Variants in RHOQ observed in about 807,000 individuals in gnomAD.
RHOQ encodes the protein rho-related GTP-binding protein RhoQ.
A neutral mutation model predicts 25.8 loss-of-function variants in RHOQ; 7 were observed. The observed-to-expected ratio is 0.27, with a 90% CI of 0.15 to 0.51. RHOQ has a LOEUF of 0.51. Among genes scored for constraint, RHOQ ranks in the 20% least tolerant of loss-of-function variants. RHOQ has a pLI of 0.97. For missense variants in RHOQ, 165 were observed against 260.6 expected (o/e 0.63, Z 2.53); for synonymous variants, 97 against 98.6 (o/e 0.98, Z 0.10).
At chr2:46,567,531 C>G (rs967185694) in intron 2 of RHOQ, among the ~76,000 whole-genome samples, 1 of 151,890 alleles carries the variant, frequency 6.6e-6, no homozygotes, top group African/African-American at 2.4e-5. Context: ...GTAGCTGGGA[C>G]TATAGGCACA....
rs767599247 is a variant in RHOQ at position 46,576,689 on chromosome 2, T to C, written c.462+33T>C. ...AACACTCACAGAATTTAAGCATGAA[T>C]GTAAAAGATGCTAAGATAACAATAG... On this transcript the variant is annotated intron_variant, in intron 4 of 4. Coordinates refer to ENST00000238738, the MANE Select transcript of RHOQ (RefSeq NM_012249.4). The surrounding 1 kb of genome is among the most constrained non-coding windows in gnomAD (Gnocchi z 5.1). 1.7e-5 allele frequency: 23 copies of C among 1,374,212 alleles called. 1 individual carries two copies. The African/African-American group carries it at 2.0e-4, about 12-fold the overall frequency. 85.1% of individuals were successfully genotyped at this position (1,374,212 alleles called of 1,614,324 possible). A position where few individuals can be genotyped will look rare whatever the true frequency, so the allele number is the denominator to read the frequency against.
chr2:46,580,787 T>C, intron 4 of RHOQ, 141 bp from the exon 5 acceptor site: 1 of 574,404 alleles, frequency 1.7e-6, no homozygotes, highest in Non-Finnish European at 2.9e-6. Flanking sequence ...TAAAATCCCC[T>C]CTGGGGTTAT....
chr2:46,558,060 T>A (rs1668459679), intron 2 of RHOQ, among the ~76,000 whole-genome samples: 2 of 152,244 alleles, frequency 1.3e-5, no homozygotes, highest in African/African-American at 2.4e-5. Flanking sequence ...TCACTGTATG[T>A]CTCAGCTATT....
chr2:46,571,152 G>T (rs1321545821), intron 2 of RHOQ, among the ~76,000 whole-genome samples: 2 of 152,168 alleles, frequency 1.3e-5, no homozygotes, highest in Non-Finnish European at 2.9e-5. Flanking sequence ...TTTTCTTAGT[G>T]TCCCCTCATT....
intron 2 of RHOQ, among the ~76,000 whole-genome samples, chr2:46,567,424 C>T (rs1451211105): frequency 9.4e-5 from 14 of 149,040 alleles, no homozygotes; most frequent in South Asian, 2.1e-4. Flanking sequence ...GACAGGGTGT[C>T]GTTCTGTCAC....
intron 2 of RHOQ, among the ~76,000 whole-genome samples, chr2:46,561,789 G>A (rs1558687121): frequency 6.6e-6 from 1 of 152,104 alleles, no homozygotes; most frequent in Non-Finnish European, 1.5e-5. Context: ...TAAGAGGTAG[G>A]TCATACTGTC....
At chr2:46,543,921 C>T (rs1667947149) in intron 2 of RHOQ, 109 bp downstream of exon 2, 7 of 847,968 alleles carry the variant, frequency 8.3e-6, no homozygotes, top group Middle Eastern at 2.2e-4. Flanking sequence ...GTGTCTGCGA[C>T]GGGCTTCCCC....
intron 2 of RHOQ, among the ~76,000 whole-genome samples, chr2:46,565,350 G>T (rs909263587): frequency 6.6e-6 from 1 of 152,202 alleles, no homozygotes; most frequent in Non-Finnish European, 1.5e-5. Context: ...GGAGAAGAAT[G>T]CTGGATAGAC....
intron 2 of RHOQ, among the ~76,000 whole-genome samples, chr2:46,546,513 TATATAC>T (rs1558680650): frequency 9.2e-5 from 2 of 21,846 alleles, no homozygotes; most frequent in Non-Finnish European, 8.4e-5. Flanking sequence ...TATATATATG[TATATAC>T]ATATATATAT....
chr2:46,555,218 T>TA lies in RHOQ; in HGVS notation c.201+11407dup, dbSNP rs1668377671. Among the ~76,000 whole-genome samples the TA allele has an allele frequency of 6.6e-6, 1 of 152,244 alleles. No individual in the cohort carries two copies. Among genetic ancestry groups the TA allele is most frequent in the Admixed American group, 6.5e-5 (1 of 15,286 alleles). ...CTCCTCACCTCTGACTCCGGCCCTC[T>TA]AGTGGTCGAGTCCCTCCTTAGAATT... On this transcript the variant is annotated intron_variant, in intron 2 of 4. Coordinates refer to ENST00000238738, the MANE Select transcript of RHOQ (RefSeq NM_012249.4). This position sits in a 1 kb window ranked among gnomAD's most constrained non-coding sequence, Gnocchi z 4.3.
At chr2:46,560,063 C>T (rs1181825061) in intron 2 of RHOQ, among the ~76,000 whole-genome samples, 2 of 152,166 alleles carry the variant, frequency 1.3e-5, no homozygotes, top group Non-Finnish European at 2.9e-5. Context: ...TATTAAAAAG[C>T]AAACTCGTTC....
intron 2 of RHOQ, among the ~76,000 whole-genome samples, chr2:46,561,100 GTA>G (rs1443186906): frequency 2.0e-5 from 3 of 147,910 alleles, no homozygotes; most frequent in African/African-American, 5.0e-5. Context: ...GTATATACAG[GTA>G]TGTGTGTGTG....
intron 2 of RHOQ, chr2:46,572,815 C>G (rs1213545551): frequency 4.6e-6 from 2 of 434,098 alleles, no homozygotes; most frequent in Admixed American, 2.7e-5. Context: ...CATTTGACTT[C>G]TTTGTGTTCT....
chr2:46,542,540 TGCGCCGGCAGGGCCGC>T lies in RHOQ; in HGVS notation c.-503_-488del, dbSNP rs1470126645. ...GCCCTCGCAGGGAGTGGGGCTCGGG[TGCGCCGGCAGGGCCGC>T]GCGGCGGCAGCAGGCGGGGGCGCGT... On this transcript the variant is annotated 5_prime_UTR_variant, in exon 1 of 5. Coordinates refer to ENST00000238738, the MANE Select transcript of RHOQ (RefSeq NM_012249.4). 6.7e-6 allele frequency: 1 copy of T among 148,492 alleles called. No homozygotes were observed. The highest frequency in any genetic ancestry group is 2.4e-5 in the African/African-American group (1 of 40,912). The allele number at this position is 148,492 out of a possible 1,614,324, so 9.2% of individuals were successfully genotyped here. A position where few individuals can be genotyped will look rare whatever the true frequency, so the allele number is the denominator to read the frequency against.
intron 4 of RHOQ, among the ~76,000 whole-genome samples, chr2:46,577,754 G>C (rs1304364641): frequency 5.3e-5 from 8 of 151,682 alleles, no homozygotes; most frequent in Non-Finnish European, 7.4e-5. Flanking sequence ...GGAGGCAAAA[G>C]AAAGCAAGAA....
intron 2 of RHOQ, among the ~76,000 whole-genome samples, chr2:46,549,854 C>T (rs1668186557): frequency 6.6e-6 from 1 of 152,130 alleles, no homozygotes. Context: ...TCTTCAAGAA[C>T]AGTGTCTTTC....
rs1286209479 is a variant in RHOQ, at chr2:46,546,463, T to C, written c.201+2651T>C. On this transcript the variant is annotated intron_variant, in intron 2 of 4. Transcript: ENST00000238738. ...GTATACACATATACATATATATATATATATATATATGTGTATATATATATA... is the reference window on the plus strand; with the variant it reads ...GTATACACATATACATATATATATACATATATATATGTGTATATATATATA... 8.4e-4 allele frequency among the ~76,000 whole-genome samples: 8 copies of C among 9,572 alleles called. 1 individual carries two copies. Among genetic ancestry groups the C allele is most frequent in the South Asian group, 3.7e-3 (1 of 270 alleles). 6.3% of individuals were successfully genotyped at this position (9,572 alleles called of 152,430 possible). A position where few individuals can be genotyped will look rare whatever the true frequency, so the allele number is the denominator to read the frequency against.
chr2:46,570,996 A>G (rs1668895763), intron 2 of RHOQ, among the ~76,000 whole-genome samples: 1 of 152,234 alleles, frequency 6.6e-6, no homozygotes, highest in South Asian at 2.1e-4. Context: ...AGCATTTGTC[A>G]CTGATAAGTC....
intron 1 of RHOQ, 59 bp downstream of exon 1, chr2:46,543,247 C>G (rs1040384554): frequency 1.4e-4 from 224 of 1,598,418 alleles, no homozygotes; most frequent in Admixed American, 1.9e-4. Flanking sequence ...TTTGGAGCAA[C>G]TTTGGCGGAG....
Sources: allele counts gnomAD v4.1 joint callset (sites outside exome capture counted in the v4.1 genomes callset), GRCh38; gene constraint gnomAD v4.1.1; non-coding constraint Gnocchi (gnomAD v3.1); transcripts MANE v1.5; gene names NCBI Gene and HGNC (gene_info 2026-07-23, HGNC 2026-07-21).